The following CECR2 variants were observed in gnomAD, a reference collection of about 807,000 sequenced individuals.
The protein encoded by CECR2 is chromatin remodeling regulator CECR2.
Under a neutral mutation model 154.5 loss-of-function variants are expected in CECR2, and 30 were observed. That is an observed-to-expected ratio of 0.19 (90% CI 0.15 to 0.26). The LOEUF is 0.26. Among genes scored for constraint, CECR2 ranks in the 10% least tolerant of loss-of-function variants. The pLI, the probability that CECR2 is intolerant of heterozygous loss-of-function variation, is 1.00. For synonymous variants in CECR2, 725 were observed against 683.7 expected, an observed-to-expected ratio of 1.06 and a Z score of -0.94; for missense variants, 1,743 against 1,829.3, an observed-to-expected ratio of 0.95 and a Z score of 0.86.
At chr22:17,499,621 C>A in intron 4 of CECR2, 72 bp downstream of exon 4, 1 of 1,432,282 alleles carries the variant, frequency 7.0e-7, no homozygotes, top group Non-Finnish European at 9.3e-7. Context: ...CATCAGAATT[C>A]TACAGCACAA....
chr22:17,536,614 C>G (rs1169371697), intron 9 of CECR2, among the ~76,000 whole-genome samples: 1 of 152,148 alleles, frequency 6.6e-6, no homozygotes, highest in Admixed American at 6.5e-5. Context: ...CCTTCATAAA[C>G]GCAGAACGGC....
upstream of CECR2, among the ~76,000 whole-genome samples, chr22:17,368,569 C>A (rs1041483437): frequency 1.3e-5 from 2 of 152,202 alleles, no homozygotes; most frequent in Non-Finnish European, 2.9e-5. Context: ...CACACTCCAA[C>A]ACCCTTCGGC....
chr22:17,414,717 A>G (rs2054131112), intron 1 of CECR2, among the ~76,000 whole-genome samples: 1 of 149,040 alleles, frequency 6.7e-6, no homozygotes, highest in Non-Finnish European at 1.5e-5. Flanking sequence ...TCCTGTGTCC[A>G]AGTGTTCTCA....
chr22:17,465,414 C>T (rs988784355), intron 1 of CECR2, among the ~76,000 whole-genome samples: 2 of 152,116 alleles, frequency 1.3e-5, no homozygotes, highest in African/African-American at 4.8e-5. Flanking sequence ...GCTGCAATCT[C>T]CACCTCCTGA....
chr22:17,456,285 A>G (rs537326971), intron 1 of CECR2, among the ~76,000 whole-genome samples: 1 of 152,052 alleles, frequency 6.6e-6, no homozygotes, highest in African/African-American at 2.4e-5. Flanking sequence ...TTTAAATCAC[A>G]CTTTTATTAT....
Position 17,413,283 on chromosome 22 carries a change from C to G in CECR2, c.126+43374C>G, listed in dbSNP as rs530821565. 3.0e-4 allele frequency among the ~76,000 whole-genome samples: 46 copies of G among 152,296 alleles called. 1 individual carries two copies. Among genetic ancestry groups the G allele is most frequent in the Non-Finnish European group, 5.3e-4 (36 of 68,030 alleles). On this transcript the variant is annotated intron_variant, in intron 1 of 18. Transcript: ENST00000262608. The stretch of plus-strand genomic sequence containing the variant: ...AGTGTGGAGGAAAACAGGGCACTGA[C>G]AGCAGCAGAGGGCATGACATACTCC...
intron 18 of CECR2, 61 bp from the exon 19 acceptor site, chr22:17,552,774 G>GTTGTTTT (rs1555944497): frequency 5.3e-6 from 5 of 943,724 alleles, no homozygotes; most frequent in African/African-American, 4.6e-5. Flanking sequence ...GCTTACTTAA[G>GTTGTTTT]TTTTTTTTTT....
At position 17,558,032 on chromosome 22, in the gene CECR2, TTG is replaced by T. The variant is rs2056794015; in HGVS notation, c.*5198_*5199del. 1 of 152,354 alleles carries T rather than the reference TTG, an allele frequency of 6.6e-6. No individual in the cohort carries two copies. Among genetic ancestry groups the T allele is most frequent in the South Asian group, 2.1e-4 (1 of 4,828 alleles). The allele number at this position is 152,354 out of a possible 1,614,324, so 9.4% of individuals were successfully genotyped here. ...ACTTACCTCAATAGTTAGTTCAATA[TTG>T]TGTGTTGGATAATTTTTTAAAAGAA... On this transcript the variant is annotated 3_prime_UTR_variant, in exon 19 of 19. Coordinates refer to ENST00000262608, the MANE Select transcript of CECR2 (RefSeq NM_001290047.2).
At chr22:17,390,899 ACTTTTTAAAGCTTCAG>A (rs369183757) in intron 1 of CECR2, among the ~76,000 whole-genome samples, 7 of 152,240 alleles carry the variant, frequency 4.6e-5, no homozygotes, top group African/African-American at 1.7e-4. Flanking sequence ...AAGTGAAATT[ACTTTTTAAAGCTTCAG>A]CTTTTTAAAG....
intron 5 of CECR2, among the ~76,000 whole-genome samples, chr22:17,501,668 C>T (rs1202740266): frequency 6.6e-6 from 1 of 152,070 alleles, no homozygotes; most frequent in Admixed American, 6.6e-5. Flanking sequence ...CTTGCTTATC[C>T]GTTTCTGTGA....
chr22:17,465,975 A>G (rs2055025663), intron 1 of CECR2, among the ~76,000 whole-genome samples: 1 of 152,142 alleles, frequency 6.6e-6, no homozygotes, highest in Admixed American at 6.5e-5. Flanking sequence ...CAGAGCATTT[A>G]TTGAACATGG....
At chr22:17,540,225 A>G (rs542707115) in intron 13 of CECR2, among the ~76,000 whole-genome samples, 187 bp from the exon 14 acceptor site, 6 of 151,118 alleles carry the variant, frequency 4.0e-5, no homozygotes, top group South Asian at 2.1e-4. Context: ...TCTTGCATCC[A>G]TAGCTCTACA....
At chr22:17,400,614 C>T (rs1167574169) in intron 1 of CECR2, among the ~76,000 whole-genome samples, 1 of 151,984 alleles carries the variant, frequency 6.6e-6, no homozygotes, top group Admixed American at 6.6e-5. Context: ...GGCTTAAGAG[C>T]GAAGGGAAAG....
At position 17,477,832 on chromosome 22, in the gene CECR2, G is replaced by C. The variant is rs369896368; in HGVS notation, c.221+150G>C. 11 of 612,660 alleles carry C rather than the reference G, an allele frequency of 1.8e-5. No homozygotes were observed. In the East Asian group the frequency reaches 2.8e-4, roughly 16 times the overall value. The allele number at this position is 612,660 out of a possible 1,614,324, so 38.0% of individuals were successfully genotyped here. On this transcript the variant is annotated intron_variant, in intron 2 of 18. Transcript: ENST00000262608. ...GGAGGACGTACACGTAAATTTCCAG[G>C]CTGTGTTTGGCTTATTCTGCAGTTG...
At chr22:17,423,453 G>A (rs2054286688) in intron 1 of CECR2, among the ~76,000 whole-genome samples, 1 of 151,896 alleles carries the variant, frequency 6.6e-6, no homozygotes. Flanking sequence ...GCTGCAGTGA[G>A]CCAAGATCGC....
chr22:17,435,713 G>T (rs74980225), intron 1 of CECR2, among the ~76,000 whole-genome samples: 10,829 of 132,036 alleles, frequency 0.082, 960 homozygotes, highest in African/African-American at 0.23. Context: ...AAAAAAAACA[G>T]GAGCAGGACC....
intron 1 of CECR2, among the ~76,000 whole-genome samples, chr22:17,394,123 G>T (rs2053771415): frequency 6.6e-6 from 1 of 150,834 alleles, no homozygotes; most frequent in Non-Finnish European, 1.5e-5. Context: ...CCGACCTCAG[G>T]TGATCCACCT....
intron 5 of CECR2, 58 bp from the exon 6 acceptor site, chr22:17,503,024 C>A: frequency 6.6e-7 from 1 of 1,519,272 alleles, no homozygotes; most frequent in Non-Finnish European, 9.0e-7. Flanking sequence ...TGGGGTGGCA[C>A]AGAACAATTT....
Position 17,523,755 on chromosome 22 carries a change from C to CA in CECR2, c.955-343dup, listed in dbSNP as rs66963477. 8.3e-3 allele frequency among the ~76,000 whole-genome samples: 835 copies of CA among 100,860 alleles called. 6 individuals are homozygous for CA. The highest frequency in any genetic ancestry group is 0.016 in the East Asian group (50 of 3,138). The allele number at this position is 100,860 out of a possible 152,430, so 66.2% of individuals were successfully genotyped here. On this transcript the variant is annotated intron_variant, in intron 8 of 18. Coordinates refer to ENST00000262608, the MANE Select transcript of CECR2 (RefSeq NM_001290047.2). ...TAGGCGACAGAGCGAGACTCTATCT[C>CA]AAAAAAAAAAAAAAAAAAAAGAAAA...
Sources: gnomAD v4.1 joint callset for allele counts (sites outside exome capture counted in the v4.1 genomes callset) on GRCh38, gnomAD v4.1.1 for gene constraint, MANE v1.5 for transcripts, NCBI Gene and HGNC (gene_info 2026-07-23, HGNC 2026-07-21) for gene names.